The following GRID2 variants were observed in gnomAD, a reference collection of about 807,000 sequenced individuals.
GRID2 encodes glutamate ionotropic receptor delta type subunit 2.
Under a neutral mutation model 114.8 loss-of-function variants are expected in GRID2, and 33 were observed. That is an observed-to-expected ratio of 0.29 (90% CI 0.22 to 0.38). The LOEUF (loss-of-function observed/expected upper bound fraction) is 0.38. Ranked by LOEUF, GRID2 falls within the 10% of genes least tolerant of loss-of-function variation. The pLI is 1.00. For synonymous variants in GRID2, 505 were observed against 449.9 expected (o/e 1.12, Z -1.55); for missense variants, 1,184 against 1,257.7 (o/e 0.94, Z 0.89).
intron 1 of GRID2, among the ~76,000 whole-genome samples, chr4:92,563,293 G>C (rs1727184680): frequency 6.6e-6 from 1 of 152,138 alleles, no homozygotes; most frequent in African/African-American, 2.4e-5. Context: ...TCCTCAACTA[G>C]AAGCTCTTTT....
intron 2 of GRID2, among the ~76,000 whole-genome samples, chr4:92,614,700 A>G (rs928143261): frequency 6.6e-6 from 1 of 151,634 alleles, no homozygotes; most frequent in Admixed American, 6.6e-5. Flanking sequence ...AGAGTGTACT[A>G]CAGATGACAG....
At chr4:93,520,919 CA>C (rs1325484230) in intron 13 of GRID2, among the ~76,000 whole-genome samples, 3 of 152,122 alleles carry the variant, frequency 2.0e-5, no homozygotes, top group African/African-American at 7.2e-5. Context: ...GTGTGGAGAC[CA>C]GGGGGCTCAA....
At chr4:93,805,702 G>C (rs1357461005) in intron 1 of GRID2, among the ~76,000 whole-genome samples, 1 of 152,120 alleles carries the variant, frequency 6.6e-6, no homozygotes, top group Admixed American at 6.5e-5. Context: ...CCACATTCAG[G>C]GTTCCTGCTG....
At chr4:93,260,388 G>A (rs970533255) in intron 8 of GRID2, among the ~76,000 whole-genome samples, 2 of 103,938 alleles carry the variant, frequency 1.9e-5, no homozygotes, top group African/African-American at 8.8e-5. Flanking sequence ...AGTAAACCCT[G>A]TAGTAAATAT....
At chr4:92,819,686 C>T (rs572905413) in intron 2 of GRID2, among the ~76,000 whole-genome samples, 1 of 152,084 alleles carries the variant, frequency 6.6e-6, no homozygotes, top group Non-Finnish European at 1.5e-5. Context: ...TGACTACCAA[C>T]TGCAGGAAAG....
chr4:92,801,436 A>G (rs1384559867), intron 2 of GRID2, among the ~76,000 whole-genome samples: 1 of 151,984 alleles, frequency 6.6e-6, no homozygotes, highest in Non-Finnish European at 1.5e-5. Flanking sequence ...CAATTCTTAA[A>G]ATTCCACCCC....
At chr4:92,655,136 A>T (rs908025726) in intron 2 of GRID2, among the ~76,000 whole-genome samples, 5 of 152,088 alleles carry the variant, frequency 3.3e-5, no homozygotes, top group Admixed American at 3.3e-4. Context: ...AGCACCATTT[A>T]TTGAAGAAGG....
chr4:93,180,751 C>A (rs1739815917), intron 4 of GRID2, among the ~76,000 whole-genome samples: 1 of 152,164 alleles, frequency 6.6e-6, no homozygotes, highest in Admixed American at 6.5e-5. Flanking sequence ...ATTGCTCATT[C>A]ACTAGATTCA....
intron 1 of GRID2, among the ~76,000 whole-genome samples, chr4:92,460,372 G>T: frequency 6.6e-6 from 1 of 151,900 alleles, no homozygotes; most frequent in Non-Finnish European, 1.5e-5. Flanking sequence ...CAATGCTTCA[G>T]TTCTTCAGAA....
At chr4:92,978,426 T>C (rs1354167573) in intron 2 of GRID2, among the ~76,000 whole-genome samples, 1 of 152,146 alleles carries the variant, frequency 6.6e-6, no homozygotes, top group Admixed American at 6.5e-5. Flanking sequence ...TTCAGTGCAG[T>C]ATCTGGAACA....
intron 10 of GRID2, among the ~76,000 whole-genome samples, chr4:93,442,044 C>T (rs1458966395): frequency 1.3e-5 from 2 of 152,002 alleles, no homozygotes; most frequent in Non-Finnish European, 1.5e-5. Flanking sequence ...ATTTACTTCT[C>T]ATAGAGACAA....
At chr4:93,553,035 A>C (rs1473905328) in intron 13 of GRID2, among the ~76,000 whole-genome samples, 1 of 152,068 alleles carries the variant, frequency 6.6e-6, no homozygotes, top group African/African-American at 2.4e-5. Context: ...TCTATTATTG[A>C]TGGACATTTG....
intron 3 of GRID2, among the ~76,000 whole-genome samples, chr4:93,096,800 C>A (rs1036087801): frequency 6.6e-6 from 1 of 151,862 alleles, no homozygotes; most frequent in African/African-American, 2.4e-5. Context: ...ACCTTGTATA[C>A]CTCACCTATT....
At chr4:93,006,628 C>T (rs1039916491) in intron 2 of GRID2, among the ~76,000 whole-genome samples, 7 of 151,098 alleles carry the variant, frequency 4.6e-5, no homozygotes, top group Admixed American at 3.3e-4. Flanking sequence ...ATCAGAAAAC[C>T]GTATAATATC....
chr4:93,060,878 G>A (rs1284320299), intron 2 of GRID2, among the ~76,000 whole-genome samples: 1 of 152,018 alleles, frequency 6.6e-6, no homozygotes, highest in Non-Finnish European at 1.5e-5. Context: ...CAAGGCAGGT[G>A]GATCACCTGA....
intron 1 of GRID2, among the ~76,000 whole-genome samples, chr4:92,582,514 A>G (rs1375200739): frequency 6.6e-6 from 1 of 152,016 alleles, no homozygotes; most frequent in Non-Finnish European, 1.5e-5. Context: ...CTGATATAGT[A>G]TAAATTAAAT....
At chr4:93,212,116 T>C (rs1743574898) in intron 5 of GRID2, among the ~76,000 whole-genome samples, 1 of 152,002 alleles carries the variant, frequency 6.6e-6, no homozygotes, top group Non-Finnish European at 1.5e-5. Flanking sequence ...CTAAATGTAA[T>C]AATAAAAAAA....
chr4:93,159,199 G>A (rs1321626253), intron 4 of GRID2, among the ~76,000 whole-genome samples: 1 of 151,580 alleles, frequency 6.6e-6, no homozygotes, highest in African/African-American at 2.4e-5. Flanking sequence ...ATAGATGATT[G>A]TACTTGTACT....
intron 2 of GRID2, among the ~76,000 whole-genome samples, chr4:92,741,678 A>T (rs1199261416): frequency 6.6e-6 from 1 of 152,188 alleles, no homozygotes; most frequent in Non-Finnish European, 1.5e-5. Flanking sequence ...TAGCCTTAAA[A>T]GCACTTCAAC....
Sources: gnomAD v4.1 joint callset for allele counts (sites outside exome capture counted in the v4.1 genomes callset) on GRCh38, gnomAD v4.1.1 for gene constraint, MANE v1.5 for transcripts, NCBI Gene and HGNC (gene_info 2026-07-23, HGNC 2026-07-21) for gene names.